GLI3: variants seen among roughly 807,000 people sequenced by gnomAD.
The protein encoded by GLI3 is GLI family zinc finger 3.
A neutral mutation model predicts 100.8 loss-of-function variants in GLI3; 20 were observed. That is an observed-to-expected ratio of 0.20 (90% confidence interval 0.14 to 0.29). The LOEUF (loss-of-function observed/expected upper bound fraction) is 0.29, where lower values mean the gene tolerates loss of function less well. Ranked by LOEUF, GLI3 falls within the 10% of genes least tolerant of loss-of-function variation. The pLI is 1.00. For missense variants in GLI3, 2,040 were observed against 2,128.5 expected (o/e 0.96, Z 0.82); for synonymous variants, 938 against 860.5 (o/e 1.09, Z -1.58).
At chr7:42,029,031 A>G (rs1789206486) in intron 7 of GLI3, among the ~76,000 whole-genome samples, 1 of 152,200 alleles carries the variant, frequency 6.6e-6, no homozygotes, top group South Asian at 2.1e-4. Flanking sequence ...ATCAACAATT[A>G]GACTGCAAGG....
intron 1 of GLI3, among the ~76,000 whole-genome samples, chr7:42,247,011 G>A (rs976646562): frequency 5.9e-5 from 9 of 151,948 alleles, no homozygotes; most frequent in African/African-American, 1.7e-4. Flanking sequence ...CGGTTGTACA[G>A]GGGCAGGCCT....
chr7:42,039,451 G>A (rs1394604071), intron 7 of GLI3, among the ~76,000 whole-genome samples: 1 of 152,198 alleles, frequency 6.6e-6, no homozygotes, highest in Non-Finnish European at 1.5e-5. Context: ...TCAAAATAGG[G>A]ATCTTTCAGA....
chr7:42,257,736 A>T (rs950122231), intron 1 of GLI3, among the ~76,000 whole-genome samples: 1 of 151,316 alleles, frequency 6.6e-6, no homozygotes, highest in Non-Finnish European at 1.5e-5. Context: ...TAGTTTGCTG[A>T]TTGTTTTTTA....
chr7:42,123,662 T>C (rs143937705), intron 3 of GLI3, among the ~76,000 whole-genome samples: 2 of 152,340 alleles, frequency 1.3e-5, no homozygotes, highest in African/African-American at 4.8e-5. Flanking sequence ...TATTCAATTT[T>C]ATTTTTAAGT....
At chr7:41,979,125 C>T (rs1036892468) in intron 10 of GLI3, among the ~76,000 whole-genome samples, 6 of 152,180 alleles carry the variant, frequency 3.9e-5, no homozygotes, top group African/African-American at 1.4e-4. Context: ...CTTGCCAAGG[C>T]TGGCGATTGA....
rs1583729785 is a variant in GLI3 at position 41,965,494 on chromosome 7, G to A, written c.3579C>T (p.Phe1193=). Residue 1193 remains phenylalanine, a synonymous_variant, in exon 15 of 15, where the codon TTC becomes TTT. Transcript: ENST00000395925. ...GCGGGTGGACGACCATGCCGTTGCA[G>A]AACCCAAAGGCGCGAGTCTGCGGCA... ...PAVPQTRAFG[F]CNGMVVHPQN... is the part of the protein sequence containing the mutation. 6.2e-7 allele frequency: 1 copy of A among 1,608,144 alleles called. No homozygotes were observed. The highest frequency in any genetic ancestry group is 8.5e-7 in the Non-Finnish European group (1 of 1,175,844).
chr7:42,217,243 G>A (rs931602157), intron 2 of GLI3, among the ~76,000 whole-genome samples: 6 of 152,170 alleles, frequency 3.9e-5, no homozygotes, highest in Non-Finnish European at 8.8e-5. Context: ...ATGGGAGCAG[G>A]AGAGAAGGAG....
chr7:42,204,021 G>T (rs1414290074), intron 2 of GLI3, among the ~76,000 whole-genome samples: 1 of 151,828 alleles, frequency 6.6e-6, no homozygotes, highest in African/African-American at 2.4e-5. Context: ...CTCTTCCCAG[G>T]CCTCCTGATC....
At chr7:42,215,416 C>T (rs1788356786) in intron 2 of GLI3, among the ~76,000 whole-genome samples, 1 of 152,188 alleles carries the variant, frequency 6.6e-6, no homozygotes, top group Admixed American at 6.5e-5. Flanking sequence ...AAGCCCTCCT[C>T]GACCTTGGGG....
upstream of GLI3, among the ~76,000 whole-genome samples, chr7:42,240,753 C>T (rs1036098627): frequency 2.0e-5 from 3 of 152,184 alleles, no homozygotes; most frequent in Non-Finnish European, 2.9e-5. Context: ...AGGGTTAGAA[C>T]TTCAACATTT....
chr7:42,005,635 A>G (rs1363764718), intron 10 of GLI3, among the ~76,000 whole-genome samples: 3 of 152,164 alleles, frequency 2.0e-5, no homozygotes, highest in South Asian at 4.2e-4. Flanking sequence ...TCGCCTCCCC[A>G]GGTCTCCTGT....
intron 3 of GLI3, among the ~76,000 whole-genome samples, chr7:42,116,653 G>A (rs987170120): frequency 1.3e-5 from 2 of 152,090 alleles, no homozygotes; most frequent in African/African-American, 2.4e-5. Context: ...ATTGGTTACC[G>A]GAGATGGCCA....
intron 4 of GLI3, among the ~76,000 whole-genome samples, chr7:42,055,000 T>TATATATGTATACCTATATACATATACAC (rs1562706057): frequency 6.8e-6 from 1 of 146,954 alleles, no homozygotes; most frequent in South Asian, 2.2e-4. Context: ...GCCTCAAATA[T>TATATATGTATACCTATATACATATACAC]ATATATGTAT....
chr7:42,194,387 T>C (rs1787884776), intron 2 of GLI3, among the ~76,000 whole-genome samples: 1 of 152,254 alleles, frequency 6.6e-6, no homozygotes, highest in African/African-American at 2.4e-5. Flanking sequence ...CTTTTTGCTC[T>C]ATCTGCTTTC....
intron 1 of GLI3, among the ~76,000 whole-genome samples, chr7:42,228,123 G>A: frequency 6.6e-6 from 1 of 152,070 alleles, no homozygotes; most frequent in East Asian, 1.9e-4. Context: ...CCGGGCCCGC[G>A]CAGCGCTGTC....
rs756130174 is a variant in GLI3, at chr7:42,048,492, A to G, written c.678T>C (p.Asp226=). The stretch of plus-strand genomic sequence containing the variant: ...AAGCAGAATCCATCCTGGACTTACC[A>G]TCTGTAGGGCTCAGCCCACGGGTTG... The part of the protein sequence containing the change: ...ISATRGLSPT[D]APHAGVSPAE... Residue 226 remains aspartate, a splice_region_variant and synonymous_variant, in exon 5 of 15, where the codon GAT becomes GAC. Coordinates refer to ENST00000395925, the MANE Select transcript of GLI3 (RefSeq NM_000168.6). 1.4e-5 allele frequency: 23 copies of G among 1,606,554 alleles called. No homozygotes were observed. Among genetic ancestry groups the G allele is most frequent in the Non-Finnish European group, 1.8e-5 (21 of 1,173,770 alleles).
intron 10 of GLI3, among the ~76,000 whole-genome samples, chr7:42,017,987 AG>A (rs1337865692): frequency 6.6e-6 from 1 of 152,142 alleles, no homozygotes; most frequent in Non-Finnish European, 1.5e-5. Context: ...TAACGTTCTA[AG>A]GGGTCAAATG....
chr7:42,054,406 C>G (rs917404386), intron 4 of GLI3, among the ~76,000 whole-genome samples: 1 of 152,100 alleles, frequency 6.6e-6, no homozygotes, highest in African/African-American at 2.4e-5. Context: ...GGTTTACATG[C>G]CAGATTATTA....
chr7:42,199,813 T>A (rs770364697), intron 2 of GLI3, among the ~76,000 whole-genome samples: 1 of 152,184 alleles, frequency 6.6e-6, no homozygotes, highest in Non-Finnish European at 1.5e-5. Flanking sequence ...CCCAGCACTT[T>A]GCGAGGTCGA....
Sources: gnomAD v4.1 joint callset for allele counts (sites outside exome capture counted in the v4.1 genomes callset) on GRCh38, gnomAD v4.1.1 for gene constraint, MANE v1.5 for transcripts, NCBI Gene and HGNC (gene_info 2026-07-23, HGNC 2026-07-21) for gene names.